The following MAGI2 variants were observed in gnomAD, a reference collection of about 807,000 sequenced individuals.
MAGI2 encodes membrane associated guanylate kinase, WW and PDZ domain containing 2, also known as membrane-associated guanylate kinase, WW and PDZ domain-containing protein 2.
MAGI2 carries 35 observed loss-of-function variants against 133.3 expected under a neutral mutation model. The ratio of observed to expected loss-of-function variants is 0.26; its 90% CI spans 0.20 to 0.35. The LOEUF is 0.35. MAGI2 is among the 10% of genes least tolerant of loss of function. The probability of loss-of-function intolerance (pLI) is 1.00; values close to 1 mark genes in which losing one functional copy is unlikely to be tolerated. For missense variants in MAGI2, 1,636 were observed against 1,863.4 expected (o/e 0.88, Z 2.25); for synonymous variants, 729 against 710.6 (o/e 1.03, Z -0.41).
intron 21 of MAGI2, among the ~76,000 whole-genome samples, chr7:78,058,531 G>A (rs1812892885): frequency 6.7e-6 from 1 of 150,130 alleles, no homozygotes; most frequent in South Asian, 2.1e-4. Context: ...GTGTGCAATG[G>A]CGTGATCTCG....
At chr7:78,866,012 G>A (rs942097406) in intron 2 of MAGI2, among the ~76,000 whole-genome samples, 4 of 152,146 alleles carry the variant, frequency 2.6e-5, no homozygotes, top group African/African-American at 9.7e-5. Context: ...TCTTAGAAGA[G>A]AGAGAGTACA....
At chr7:79,307,904 A>G (rs1837951099) in intron 1 of MAGI2, among the ~76,000 whole-genome samples, 1 of 152,216 alleles carries the variant, frequency 6.6e-6, no homozygotes, top group Admixed American at 6.5e-5. Context: ...TGAAATATGA[A>G]AGGAAATATG....
At chr7:79,065,682 A>C (rs1814234227) in intron 1 of MAGI2, among the ~76,000 whole-genome samples, 1 of 152,006 alleles carries the variant, frequency 6.6e-6, no homozygotes, top group African/African-American at 2.4e-5. Flanking sequence ...ATCTACATTA[A>C]GTATTTCTCC....
intron 14 of MAGI2, among the ~76,000 whole-genome samples, chr7:78,169,332 A>G (rs1825902149): frequency 6.6e-6 from 1 of 152,228 alleles, no homozygotes; most frequent in African/African-American, 2.4e-5. Flanking sequence ...GGTTACCATT[A>G]GCCTGATGAT....
intron 2 of MAGI2, among the ~76,000 whole-genome samples, chr7:78,760,124 A>T (rs1343524754): frequency 6.6e-6 from 1 of 152,140 alleles, no homozygotes; most frequent in Non-Finnish European, 1.5e-5. Flanking sequence ...TCAAAAAAAA[A>T]ATAAAATAAA....
At chr7:79,386,953 G>A (rs1057491588) in intron 1 of MAGI2, among the ~76,000 whole-genome samples, 8 of 151,710 alleles carry the variant, frequency 5.3e-5, no homozygotes, top group Admixed American at 2.6e-4. Flanking sequence ...TGGGCCCCTC[G>A]ATCTTTGGCA....
chr7:79,133,602 C>T (rs1821128525), intron 1 of MAGI2, among the ~76,000 whole-genome samples: 2 of 152,078 alleles, frequency 1.3e-5, no homozygotes, highest in African/African-American at 2.4e-5. Flanking sequence ...TTCTGCAAAT[C>T]ATTGTCATTA....
chr7:79,331,040 G>A (rs1418865054), intron 1 of MAGI2, among the ~76,000 whole-genome samples: 1 of 152,042 alleles, frequency 6.6e-6, no homozygotes, highest in African/African-American at 2.4e-5. Flanking sequence ...TTGTTTTGCT[G>A]TCTATTAAGA....
intron 2 of MAGI2, among the ~76,000 whole-genome samples, chr7:78,806,542 G>T (rs1788590568): frequency 6.6e-6 from 1 of 151,986 alleles, no homozygotes; most frequent in Non-Finnish European, 1.5e-5. Flanking sequence ...TTTGAAAAAT[G>T]TTTTATTTAT....
chr7:78,432,451 G>A (rs536063838), intron 6 of MAGI2, among the ~76,000 whole-genome samples: 1 of 152,034 alleles, frequency 6.6e-6, no homozygotes, highest in Non-Finnish European at 1.5e-5. Flanking sequence ...CCCAGGTTTT[G>A]TCATGATTAA....
chr7:78,324,173 A>G (rs1314172830), intron 9 of MAGI2, among the ~76,000 whole-genome samples: 1 of 140,156 alleles, frequency 7.1e-6, no homozygotes, highest in African/African-American at 2.6e-5. Context: ...TACACTACAC[A>G]CTACACTACA....
At chr7:78,636,281 C>T (rs1303370053) in intron 2 of MAGI2, among the ~76,000 whole-genome samples, 2 of 150,784 alleles carry the variant, frequency 1.3e-5, no homozygotes. Context: ...CCTAAGATAA[C>T]ATGTTGTCAA....
chr7:79,241,178 G>A (rs2129554982), intron 1 of MAGI2, among the ~76,000 whole-genome samples: 1 of 152,254 alleles, frequency 6.6e-6, no homozygotes, highest in African/African-American at 2.4e-5. Context: ...GGAGTGAACA[G>A]GAGAGGAAAT....
At chr7:78,242,172 G>A (rs77619348) in intron 10 of MAGI2, among the ~76,000 whole-genome samples, 2,953 of 152,282 alleles carry the variant, frequency 0.019, 105 homozygotes, top group African/African-American at 0.067. Flanking sequence ...ATTGAATGTG[G>A]CAGAAAGTGA....
chr7:78,622,546 T>A (rs1337016958), intron 3 of MAGI2, among the ~76,000 whole-genome samples: 1 of 152,020 alleles, frequency 6.6e-6, no homozygotes, highest in Non-Finnish European at 1.5e-5. Context: ...ATTCTGTATA[T>A]CCTGAAAGTA....
chr7:78,186,082 GA>G (rs1827668091), intron 12 of MAGI2, among the ~76,000 whole-genome samples: 1 of 152,054 alleles, frequency 6.6e-6, no homozygotes, highest in Non-Finnish European at 1.5e-5. Context: ...ATGAAAAGTG[GA>G]AAATCCAATC....
Position 78,295,515 on chromosome 7 carries a change from G to A in MAGI2, c.1409-38934C>T, listed in dbSNP as rs1004992372. 4.6e-5 allele frequency among the ~76,000 whole-genome samples: 7 copies of A among 152,128 alleles called. 1 individual carries two copies. Among genetic ancestry groups the A allele is most frequent in the East Asian group, 3.9e-4 (2 of 5,174 alleles). On this transcript the variant is annotated intron_variant, in intron 9 of 21. Transcript: ENST00000354212. ...CTTATTCAGCGTCCTCAGTATCATC[G>A]CACATATATGATCACTATCTTCCTC... is the stretch of plus-strand genomic sequence containing the variant.
chr7:78,331,224 G>A (rs941792605), intron 9 of MAGI2, among the ~76,000 whole-genome samples: 3 of 152,162 alleles, frequency 2.0e-5, no homozygotes, highest in African/African-American at 4.8e-5. Context: ...GGGGACAGTC[G>A]GGGCAAGGGC....
At position 78,814,173 on chromosome 7, in the gene MAGI2, G is replaced by A. The variant is rs1789350181; in HGVS notation, c.419-186934C>T. 2.0e-5 allele frequency among the ~76,000 whole-genome samples: 3 copies of A among 152,266 alleles called. No individual in the cohort carries two copies. The South Asian group carries it at 6.2e-4, about 32-fold the overall frequency. Reference sequence around the variant, plus strand: ...GTAATGTCATAGGATACGAGGCTGTGGTGGAAAGGCACTCCCATGATCCCA... The same window carrying A: ...GTAATGTCATAGGATACGAGGCTGTAGTGGAAAGGCACTCCCATGATCCCA... On this transcript the variant is annotated intron_variant, in intron 2 of 21. Coordinates refer to ENST00000354212, the MANE Select transcript of MAGI2 (RefSeq NM_012301.4).
Sources: gnomAD v4.1 joint callset for allele counts (sites outside exome capture counted in the v4.1 genomes callset) on GRCh38, gnomAD v4.1.1 for gene constraint, MANE v1.5 for transcripts, NCBI Gene and HGNC (gene_info 2026-07-23, HGNC 2026-07-21) for gene names.